The following ADD3 variants were observed in gnomAD, a reference collection of about 807,000 sequenced individuals.
ADD3 encodes the protein gamma-adducin.
ADD3 carries 25 observed loss-of-function variants against 80.2 expected under a neutral mutation model. The ratio of observed to expected loss-of-function variants is 0.31; its 90% CI spans 0.23 to 0.44. The LOEUF is 0.44. Among genes scored for constraint, ADD3 ranks in the 20% least tolerant of loss-of-function variants. The probability of loss-of-function intolerance (pLI) is 1.00; values close to 1 mark genes in which losing one functional copy is unlikely to be tolerated. For missense variants in ADD3, 829 were observed against 847.5 expected, an observed-to-expected ratio of 0.98 and a Z score of 0.27; for synonymous variants, 284 against 289.6, an observed-to-expected ratio of 0.98 and a Z score of 0.20.
At chr10:110,070,729 G>T (rs1387556129) in intron 1 of ADD3, among the ~76,000 whole-genome samples, 1 of 152,136 alleles carries the variant, frequency 6.6e-6, no homozygotes, top group Admixed American at 6.5e-5. Flanking sequence ...TTATGCAGGG[G>T]TTGAAGGATA....
chr10:110,094,470 G>A (rs985240487), intron 1 of ADD3, among the ~76,000 whole-genome samples: 7 of 152,100 alleles, frequency 4.6e-5, no homozygotes, highest in African/African-American at 1.2e-4. Flanking sequence ...AGGAATAAGA[G>A]CCTAGTGCTT....
chr10:110,001,742 GT>G (rs1851490549), upstream of ADD3, among the ~76,000 whole-genome samples: 1 of 152,126 alleles, frequency 6.6e-6, no homozygotes, highest in Admixed American at 6.5e-5. Flanking sequence ...TAAATTTGGA[GT>G]AGAGCCTATG....
intron 1 of ADD3, among the ~76,000 whole-genome samples, chr10:110,035,032 G>T (rs889498949): frequency 3.3e-5 from 5 of 152,138 alleles, no homozygotes; most frequent in African/African-American, 1.2e-4. Context: ...AATTTTTTCA[G>T]TTGCATTTGG....
intron 1 of ADD3, among the ~76,000 whole-genome samples, chr10:110,077,449 A>C (rs1845497483): frequency 6.6e-6 from 1 of 152,140 alleles, no homozygotes; most frequent in Admixed American, 6.5e-5. Context: ...TTTTGTACTG[A>C]ATTTATTGGA....
At chr10:110,089,284 A>G (rs2133848950) in intron 1 of ADD3, among the ~76,000 whole-genome samples, 2 of 152,344 alleles carry the variant, frequency 1.3e-5, no homozygotes, top group East Asian at 3.9e-4. Flanking sequence ...AATAATTTCT[A>G]GTGATTCCTC....
intron 1 of ADD3, among the ~76,000 whole-genome samples, chr10:110,021,338 G>T (rs1472448784): frequency 1.3e-5 from 2 of 152,104 alleles, no homozygotes; most frequent in Non-Finnish European, 2.9e-5. Context: ...AAATGGTAAC[G>T]GTTTACGATC....
chr10:110,120,231 C>A (rs1002777092), intron 8 of ADD3, among the ~76,000 whole-genome samples: 5 of 112,024 alleles, frequency 4.5e-5, no homozygotes, highest in East Asian at 3.2e-4. Flanking sequence ...CCCCTCCCCC[C>A]ACCCCACCAC....
chr10:110,097,598 T>G (rs1416607759), intron 1 of ADD3, among the ~76,000 whole-genome samples: 1 of 152,186 alleles, frequency 6.6e-6, no homozygotes, highest in Non-Finnish European at 1.5e-5. Flanking sequence ...AACATTGATG[T>G]AAATACTATT....
chr10:110,017,503 A>G (rs1406175153), intron 1 of ADD3, among the ~76,000 whole-genome samples: 2 of 152,340 alleles, frequency 1.3e-5, no homozygotes, highest in Non-Finnish European at 2.9e-5. Context: ...TGCTTAAAAT[A>G]TACCCTTCAT....
At chr10:110,114,265 C>G (rs890412384) in intron 3 of ADD3, among the ~76,000 whole-genome samples, 1 of 152,206 alleles carries the variant, frequency 6.6e-6, no homozygotes, top group African/African-American at 2.4e-5. Flanking sequence ...AGGTTAATGG[C>G]TGACTCTAAA....
At position 110,079,501 on chromosome 10, in the gene ADD3, T is replaced by TGA. The variant is rs1168046965; in HGVS notation, c.-29-21123_-29-21122dup. Among the ~76,000 whole-genome samples the TGA allele has an allele frequency of 5.7e-4, 79 of 137,784 alleles. 1 individual carries two copies. The highest frequency in any genetic ancestry group is 1.9e-3 in the African/African-American group (72 of 37,632). 90.4% of individuals were successfully genotyped at this position (137,784 alleles called of 152,430 possible). On this transcript the variant is annotated intron_variant, in intron 1 of 14. Transcript: ENST00000356080. ...GTGTGTGTGTGTGTGTGTGTGTGTG[T>TGA]GATCTACCTGAACATCTTTTTAATA... is the stretch of plus-strand genomic sequence containing the variant.
rs571496867 is a variant in ADD3, at chr10:110,092,796, C to A, written c.-29-7829C>A. Among the ~76,000 whole-genome samples, 591 of 147,532 alleles carry A rather than the reference C, an allele frequency of 4.0e-3. 2 individuals carry two copies. The highest frequency in any genetic ancestry group is 0.011 in the South Asian group (53 of 4,754). ...TTATTTTTTAAACTGAAAAAAAAAA[C>A]CCCTCAGTTTTCTTATCTATAAAGT... is the stretch of plus-strand genomic sequence containing the variant. On this transcript the variant is annotated intron_variant, in intron 1 of 14. Transcript: ENST00000356080.
upstream of ADD3, chr10:110,007,865 A>C (rs1293315780): frequency 1.9e-5 from 1 of 53,672 alleles, no homozygotes; most frequent in African/African-American, 7.5e-5. Context: ...CCAGAGGCGT[A>C]GGGGGCTGCG....
At position 110,130,399 on chromosome 10, in the gene ADD3, GCTC is replaced by G. The variant is rs770169212; in HGVS notation, c.1651_1653del (p.Pro551del). ...TGAAGATGATGATCATGGCCCACCA[GCTC>G]CTCCTAACCCATTTAGTCATCTCAC... is the stretch of plus-strand genomic sequence containing the variant. On this transcript the variant is annotated inframe_deletion, in exon 13 of 15. Coordinates refer to ENST00000356080, the MANE Select transcript of ADD3 (RefSeq NM_016824.5). The G allele has an allele frequency of 3.1e-6, 5 of 1,613,958 alleles. No homozygotes were observed. In the South Asian group the frequency reaches 5.5e-5, roughly 18 times the overall value.
At chr10:110,004,157 G>T (rs1851545778), upstream of ADD3, among the ~76,000 whole-genome samples, 1 of 151,788 alleles carries the variant, frequency 6.6e-6, no homozygotes, top group South Asian at 2.1e-4. Context: ...AGCCCTCCTT[G>T]CAGAGAAGCA....
intron 1 of ADD3, among the ~76,000 whole-genome samples, chr10:110,081,827 A>G (rs552920604): frequency 5.9e-5 from 9 of 152,346 alleles, no homozygotes; most frequent in Non-Finnish European, 1.2e-4. Context: ...TGTGGCATGT[A>G]TAACTAAGGA....
intron 2 of ADD3, among the ~76,000 whole-genome samples, chr10:110,109,901 G>A (rs1849799199): frequency 6.6e-6 from 1 of 150,540 alleles, no homozygotes; most frequent in South Asian, 2.1e-4. Flanking sequence ...ACTCCCTAAT[G>A]GAGTTTTCTG....
At chr10:110,092,938 C>T (rs1018506472) in intron 1 of ADD3, among the ~76,000 whole-genome samples, 1 of 152,146 alleles carries the variant, frequency 6.6e-6, no homozygotes, top group Non-Finnish European at 1.5e-5. Flanking sequence ...TGGCTTATTG[C>T]AACCTCCACC....
chr10:110,082,281 G>A (rs1846156727), intron 1 of ADD3, among the ~76,000 whole-genome samples: 1 of 151,846 alleles, frequency 6.6e-6, no homozygotes, highest in Non-Finnish European at 1.5e-5. Context: ...TTGACCATCA[G>A]TAACTGTTGG....
Sources: gnomAD v4.1 joint callset for allele counts (sites outside exome capture counted in the v4.1 genomes callset) on GRCh38, gnomAD v4.1.1 for gene constraint, MANE v1.5 for transcripts, NCBI Gene and HGNC (gene_info 2026-07-23, HGNC 2026-07-21) for gene names.